PDGFD: variants seen among roughly 807,000 people sequenced by gnomAD.
PDGFD encodes platelet-derived growth factor D.
PDGFD carries 30 observed loss-of-function variants against 44.7 expected under a neutral mutation model. The ratio of observed to expected loss-of-function variants is 0.67; its 90% CI spans 0.50 to 0.91. The LOEUF (loss-of-function observed/expected upper bound fraction) is 0.91. Ranked by LOEUF, PDGFD falls within the 40% of genes least tolerant of loss-of-function variation. The pLI, the probability that PDGFD is intolerant of heterozygous loss-of-function variation, is 0.00. For missense variants in PDGFD, 445 were observed against 457.8 expected (o/e 0.97, Z 0.25); for synonymous variants, 173 against 168.4 (o/e 1.03, Z -0.21).
chr11:103,949,733 T>G (rs1179756806), intron 3 of PDGFD, among the ~76,000 whole-genome samples: 1 of 152,190 alleles, frequency 6.6e-6, no homozygotes, highest in Non-Finnish European at 1.5e-5. Flanking sequence ...ACACGTGCAG[T>G]AAACGCATGT....
At chr11:103,991,850 T>TGTTTA (rs1859458380) in intron 3 of PDGFD, among the ~76,000 whole-genome samples, 1 of 152,202 alleles carries the variant, frequency 6.6e-6, no homozygotes, top group African/African-American at 2.4e-5. Flanking sequence ...TATCACCATT[T>TGTTTA]TACAGACGAT....
intron 1 of PDGFD, among the ~76,000 whole-genome samples, chr11:104,141,233 T>G (rs775975484): frequency 6.6e-6 from 1 of 152,192 alleles, no homozygotes; most frequent in Non-Finnish European, 1.5e-5. Context: ...GGTTTTCATT[T>G]GTTGTAGGTT....
intron 1 of PDGFD, among the ~76,000 whole-genome samples, chr11:104,058,174 A>G (rs1162314740): frequency 1.3e-5 from 2 of 152,226 alleles, no homozygotes; most frequent in Non-Finnish European, 2.9e-5. Context: ...ATTAAAATTA[A>G]AAACTCTTGG....
At chr11:104,131,295 G>T (rs925781783) in intron 1 of PDGFD, among the ~76,000 whole-genome samples, 1 of 152,110 alleles carries the variant, frequency 6.6e-6, no homozygotes, top group Non-Finnish European at 1.5e-5. Context: ...TAACTTAACT[G>T]AAATGGCAAC....
At chr11:104,138,634 A>T (rs1036551427) in intron 1 of PDGFD, among the ~76,000 whole-genome samples, 1 of 152,196 alleles carries the variant, frequency 6.6e-6, no homozygotes, top group African/African-American at 2.4e-5. Flanking sequence ...TCCCCAGGTG[A>T]TTAATAAACA....
chr11:103,914,138 G>C (rs1250400192), intron 6 of PDGFD, among the ~76,000 whole-genome samples: 1 of 152,168 alleles, frequency 6.6e-6, no homozygotes, highest in East Asian at 1.9e-4. Context: ...GTTAGGTCCA[G>C]AGTAGGCCTG....
chr11:104,138,324 A>C (rs1862039599), intron 1 of PDGFD, among the ~76,000 whole-genome samples: 1 of 152,220 alleles, frequency 6.6e-6, no homozygotes, highest in Non-Finnish European at 1.5e-5. Flanking sequence ...CACATTTACA[A>C]AGCAGTTATT....
At chr11:104,042,830 A>G (rs1860378884) in intron 1 of PDGFD, among the ~76,000 whole-genome samples, 1 of 152,236 alleles carries the variant, frequency 6.6e-6, no homozygotes, top group Non-Finnish European at 1.5e-5. Context: ...GGGCTTTACT[A>G]TAAAGATCCG....
chr11:103,936,985 G>C (rs528773658), intron 5 of PDGFD, among the ~76,000 whole-genome samples: 10 of 151,690 alleles, frequency 6.6e-5, no homozygotes, highest in African/African-American at 2.4e-4. Context: ...TGCTTCACGC[G>C]TGGCTAACTT....
At chr11:104,091,750 G>A (rs2134437575) in intron 1 of PDGFD, among the ~76,000 whole-genome samples, 1 of 152,168 alleles carries the variant, frequency 6.6e-6, no homozygotes, top group East Asian at 1.9e-4. Flanking sequence ...ATAACTAATG[G>A]CTTTATAATC....
chr11:104,145,524 C>T (rs1195191466), intron 1 of PDGFD, among the ~76,000 whole-genome samples: 1 of 152,174 alleles, frequency 6.6e-6, no homozygotes, highest in Non-Finnish European at 1.5e-5. Context: ...ATTTTGTAAT[C>T]ATTCTTGCAT....
chr11:104,046,710 A>G (rs1860446476), intron 1 of PDGFD, among the ~76,000 whole-genome samples: 1 of 147,286 alleles, frequency 6.8e-6, no homozygotes, highest in South Asian at 2.3e-4. Context: ...TTCCCACAGT[A>G]TCTACTCTCA....
At chr11:104,000,685 A>G (rs1859607055) in intron 1 of PDGFD, among the ~76,000 whole-genome samples, 1 of 152,150 alleles carries the variant, frequency 6.6e-6, no homozygotes, top group Non-Finnish European at 1.5e-5. Flanking sequence ...GAGTTCTCTT[A>G]ATATCATTCT....
At chr11:104,012,247 G>T (rs760212335) in intron 1 of PDGFD, among the ~76,000 whole-genome samples, 3 of 152,062 alleles carry the variant, frequency 2.0e-5, no homozygotes, top group African/African-American at 4.8e-5. Flanking sequence ...GTGCACTGTT[G>T]ATCAAATCAT....
At chr11:103,988,659 C>A (rs1439267004) in intron 3 of PDGFD, among the ~76,000 whole-genome samples, 1 of 152,144 alleles carries the variant, frequency 6.6e-6, no homozygotes, top group Non-Finnish European at 1.5e-5. Flanking sequence ...ATTTACTTTT[C>A]TGTGGAGTGG....
intron 3 of PDGFD, among the ~76,000 whole-genome samples, chr11:103,986,357 C>T (rs185302767): frequency 3.3e-5 from 5 of 152,136 alleles, no homozygotes; most frequent in Admixed American, 3.3e-4. Flanking sequence ...TCCAAAGGAC[C>T]GTTACCAAAG....
At chr11:104,011,867 T>A (rs778339342) in intron 1 of PDGFD, among the ~76,000 whole-genome samples, 1 of 151,884 alleles carries the variant, frequency 6.6e-6, no homozygotes, top group African/African-American at 2.4e-5. Context: ...TAAAAAAAAA[T>A]ATTCAAGTGC....
At chr11:104,093,821 T>C (rs139548451) in intron 1 of PDGFD, among the ~76,000 whole-genome samples, 1 of 150,782 alleles carries the variant, frequency 6.6e-6, no homozygotes, top group Non-Finnish European at 1.5e-5. Flanking sequence ...TCCCACTCTT[T>C]GGCTTTGCAA....
intron 1 of PDGFD, among the ~76,000 whole-genome samples, chr11:104,009,163 A>G (rs1331570892): frequency 6.6e-6 from 1 of 152,062 alleles, no homozygotes; most frequent in Non-Finnish European, 1.5e-5. Context: ...ACTCTGTCCT[A>G]TTTCCATTTC....
Sources: gnomAD v4.1 joint callset for allele counts (sites outside exome capture counted in the v4.1 genomes callset) on GRCh38, gnomAD v4.1.1 for gene constraint, MANE v1.5 for transcripts, NCBI Gene and HGNC (gene_info 2026-07-23, HGNC 2026-07-21) for gene names.